RUBCNL: variants seen among roughly 807,000 people sequenced by gnomAD.
RUBCNL encodes the protein protein associated with UVRAG as autophagy enhancer.
A neutral mutation model predicts 69.5 loss-of-function variants in RUBCNL; 62 were observed. That is an observed-to-expected ratio of 0.89 (90% confidence interval 0.73 to 1.10). RUBCNL has a LOEUF of 1.10. RUBCNL is among the 50% of genes least tolerant of loss of function. The pLI, the probability that RUBCNL is intolerant of heterozygous loss-of-function variation, is 0.00. For missense variants in RUBCNL, 768 were observed against 798.1 expected (o/e 0.96, Z 0.45); for synonymous variants, 291 against 303.6 (o/e 0.96, Z 0.43).
chr13:46,365,397 T>A (rs1297128617), intron 5 of RUBCNL, among the ~76,000 whole-genome samples: 3 of 150,736 alleles, frequency 2.0e-5, no homozygotes, highest in Non-Finnish European at 2.9e-5. Flanking sequence ...TTGCATTGCA[T>A]GGGCCTTGAG....
At chr13:46,381,280 T>G (rs1351382189) in intron 1 of RUBCNL, among the ~76,000 whole-genome samples, 1 of 152,148 alleles carries the variant, frequency 6.6e-6, no homozygotes, top group Non-Finnish European at 1.5e-5. Flanking sequence ...TATTCAACCA[T>G]CATTAGAAAT....
In RUBCNL at chr13:46,372,153, G is replaced by A; in HGVS notation, c.323C>T (p.Thr108Ile). ...AGAAGCGCTGCCAACGGAGTCTGTG[G>A]TATCCTCAGACAACGTTGTCTCTGC... ...SLAETTLSEDTTDSVGSASPH... is the reference protein window; with the variant it reads ...SLAETTLSEDITDSVGSASPH... The change falls in exon 3 of 15, where the codon ACC becomes ATC. Residue 108 changes from threonine (T) to isoleucine (I), a missense_variant. Thr to Ile is a moderately conservative substitution (Grantham distance 89, BLOSUM62 -1). Transcript: ENST00000429979. The A allele has an allele frequency of 5.6e-6, 9 of 1,614,016 alleles. No homozygotes were observed. The highest frequency in any genetic ancestry group is 7.6e-6 in the Non-Finnish European group (9 of 1,179,896).
chr13:46,383,285 AC>A (rs1471633164), intron 1 of RUBCNL, among the ~76,000 whole-genome samples: 2 of 152,098 alleles, frequency 1.3e-5, no homozygotes, highest in Non-Finnish European at 2.9e-5. Context: ...ATGCCCCTCT[AC>A]CCATACTCTC....
intron 2 of RUBCNL, among the ~76,000 whole-genome samples, chr13:46,375,299 A>G (rs569107023): frequency 6.6e-6 from 1 of 152,326 alleles, no homozygotes; most frequent in East Asian, 1.9e-4. Flanking sequence ...TTGGGAGGCC[A>G]AGGCGGGTGG....
intron 11 of RUBCNL, among the ~76,000 whole-genome samples, 188 bp from the exon 12 acceptor site, chr13:46,349,535 A>G (rs2048323672): frequency 6.6e-6 from 1 of 152,126 alleles, no homozygotes; most frequent in Non-Finnish European, 1.5e-5. Context: ...TGTGCCCTGG[A>G]TGGATCCAGG....
intron 2 of RUBCNL, 128 bp downstream of exon 2, chr13:46,377,762 C>A: frequency 5.6e-6 from 3 of 531,622 alleles, no homozygotes; most frequent in Non-Finnish European, 1.0e-5. Flanking sequence ...CCAGCAGGTG[C>A]TGCTTTGCCA....
chr13:46,363,083 C>A (rs1327102779), intron 6 of RUBCNL, 32 bp downstream of exon 6: 1 of 1,387,942 alleles, frequency 7.2e-7, no homozygotes, highest in Admixed American at 1.8e-5. Flanking sequence ...GGGGAGGCAG[C>A]CAGTCACATC....
chr13:46,344,725 T>A lies in RUBCNL; in HGVS notation c.1876+16A>T. 2 of 1,541,000 alleles carry A rather than the reference T, an allele frequency of 1.3e-6. No individual in the cohort carries two copies. On this transcript the variant is annotated intron_variant, in intron 14 of 14. Coordinates refer to ENST00000429979, the MANE Select transcript of RUBCNL (RefSeq NM_025113.5). ...TTAACCTATTATTAAGCTTATGTTA[T>A]TAAGTTATTAAATACCTGAACATCT...
intron 3 of RUBCNL, among the ~76,000 whole-genome samples, chr13:46,370,419 T>C (rs1054413808): frequency 1.3e-5 from 2 of 152,238 alleles, no homozygotes; most frequent in Non-Finnish European, 2.9e-5. Context: ...CATAGGAATG[T>C]CCACATCTTA....
rs1345350433 is a variant in RUBCNL, at chr13:46,387,115, C to T, written c.-239+19G>A. 5 of 985,692 alleles carry T rather than the reference C, an allele frequency of 5.1e-6. No individual in the cohort carries two copies. Among genetic ancestry groups the T allele is most frequent in the Non-Finnish European group, 6.0e-6 (5 of 830,234 alleles). 61.1% of individuals were successfully genotyped at this position (985,692 alleles called of 1,614,324 possible). On this transcript the variant is annotated intron_variant, in intron 1 of 14. Transcript: ENST00000429979. Reference sequence around the variant, plus strand: ...ACCCCGCGCCGCTCCCATCTCGCCCCCGGCCCCGCCAGCCTCACCCAGCCA... The same window carrying T: ...ACCCCGCGCCGCTCCCATCTCGCCCTCGGCCCCGCCAGCCTCACCCAGCCA...
intron 1 of RUBCNL, among the ~76,000 whole-genome samples, chr13:46,381,452 G>A (rs542793964): frequency 6.6e-6 from 1 of 152,280 alleles, no homozygotes; most frequent in South Asian, 2.1e-4. Context: ...TTAGGGTGGT[G>A]GGATGGGAAC....
At chr13:46,387,000 G>T (rs2049263108) in intron 1 of RUBCNL, 134 bp downstream of exon 1, 3 of 770,772 alleles carry the variant, frequency 3.9e-6, no homozygotes, top group Non-Finnish European at 4.7e-6. Context: ...ATACCTGGGT[G>T]TCTCTGCTGG....
chr13:46,351,865 G>C (rs967397638), intron 10 of RUBCNL, among the ~76,000 whole-genome samples: 3 of 132,770 alleles, frequency 2.3e-5, no homozygotes, highest in African/African-American at 8.8e-5. Context: ...GTCTCGCTCT[G>C]TTGCCCAGGC....
At chr13:46,369,275 C>T (rs761986954) in intron 3 of RUBCNL, among the ~76,000 whole-genome samples, 7 of 152,170 alleles carry the variant, frequency 4.6e-5, no homozygotes, top group South Asian at 2.1e-4. Context: ...AGTGCAGCGG[C>T]GTGATCACAC....
rs2048610509 is a variant in RUBCNL, at chr13:46,361,526, T to G, written c.1034A>C (p.Glu345Ala). 2 of 1,611,838 alleles carry G rather than the reference T, an allele frequency of 1.2e-6. No homozygotes were observed. Among genetic ancestry groups the G allele is most frequent in the African/African-American group, 2.7e-5 (2 of 74,880 alleles). Residue 345 changes from glutamate (E) to alanine (A), a missense_variant, in exon 8 of 15, where the codon GAG (glutamate) becomes GCG (alanine). Physicochemically the swap from Glu to Ala is moderately radical, Grantham distance 107. Transcript: ENST00000429979. ...GCACTTCTGGAACACGCGGTACAGC[T>G]CTTTGGCTAATAGTTCTGCAGAATT... ...DFNSAELLAKELYRVFQKCWI... is the reference protein window; with the variant it reads ...DFNSAELLAKALYRVFQKCWI...
chr13:46,363,630 A>C (rs2048681741), intron 5 of RUBCNL, among the ~76,000 whole-genome samples: 2 of 152,128 alleles, frequency 1.3e-5, no homozygotes, highest in African/African-American at 4.8e-5. Flanking sequence ...AGGTAGGAGA[A>C]TCACTTGAGC....
rs2048112594 is a variant in RUBCNL, at chr13:46,337,613, A to G, written c.*5772T>C. ...AGTAAGTTTCTGTTGTTTATTATCC[A>G]CCTAGCGTAAGGTATTTTATTATAG... On this transcript the variant is annotated 3_prime_UTR_variant, in exon 15 of 15. Coordinates refer to ENST00000429979, the MANE Select transcript of RUBCNL (RefSeq NM_025113.5). Among the ~76,000 whole-genome samples, 1 of 152,130 alleles carries G rather than the reference A, an allele frequency of 6.6e-6. No individual in the cohort carries two copies. Among genetic ancestry groups the G allele is most frequent in the African/African-American group, 2.4e-5 (1 of 41,414 alleles).
intron 1 of RUBCNL, among the ~76,000 whole-genome samples, chr13:46,379,742 A>C (rs984292220): frequency 3.3e-5 from 5 of 152,226 alleles, no homozygotes; most frequent in Non-Finnish European, 7.4e-5. Context: ...GTAATAAACA[A>C]ATACTGAGTA....
chr13:46,359,465 C>A, intron 9 of RUBCNL, 21 bp downstream of exon 9: 1 of 1,598,562 alleles, frequency 6.3e-7, no homozygotes, highest in Non-Finnish European at 8.5e-7. Context: ...ATTGGAGGCC[C>A]AAGCAACAGC....
Sources: allele counts gnomAD v4.1 joint callset (sites outside exome capture counted in the v4.1 genomes callset), GRCh38; gene constraint gnomAD v4.1.1; transcripts MANE v1.5; gene names NCBI Gene and HGNC (gene_info 2026-07-23, HGNC 2026-07-21).